The following ALX4 variants were observed in gnomAD, a reference collection of about 807,000 sequenced individuals.
ALX4 encodes homeobox protein aristaless-like 4.
ALX4 carries 22 observed loss-of-function variants against 40.6 expected under a neutral mutation model. The ratio of observed to expected loss-of-function variants is 0.54; its 90% CI spans 0.39 to 0.77. ALX4 has a LOEUF of 0.77. Ranked by LOEUF, ALX4 falls within the 30% of genes least tolerant of loss-of-function variation. The pLI, the probability that ALX4 is intolerant of heterozygous loss-of-function variation, is 0.00. For missense variants in ALX4, 556 were observed against 564.8 expected (o/e 0.98, Z 0.16); for synonymous variants, 266 against 240.5 (o/e 1.11, Z -0.98).
intron 2 of ALX4, among the ~76,000 whole-genome samples, chr11:44,270,238 T>C (rs935982458): frequency 6.6e-6 from 1 of 152,040 alleles, no homozygotes; most frequent in Non-Finnish European, 1.5e-5. Context: ...GGAAGACAGA[T>C]GACCAGGCGG....
intron 1 of ALX4, among the ~76,000 whole-genome samples, chr11:44,294,599 T>G (rs1000343980): frequency 1.3e-5 from 2 of 149,854 alleles, no homozygotes; most frequent in African/African-American, 4.9e-5. Flanking sequence ...CCCCCGCCCC[T>G]CCCATCACTC....
At chr11:44,309,219 C>CCCGCAGCCCCGCAGCCCCGCAGCT (rs1956489920) in intron 1 of ALX4, among the ~76,000 whole-genome samples, 1 of 151,554 alleles carries the variant, frequency 6.6e-6, no homozygotes, top group Admixed American at 6.6e-5. Context: ...GCCCCGCAGC[C>CCCGCAGCCCCGCAGCCCCGCAGCT]CCGCAGCCCA....
intron 1 of ALX4, among the ~76,000 whole-genome samples, chr11:44,307,503 T>G (rs1226645091): frequency 1.3e-5 from 2 of 152,174 alleles, no homozygotes; most frequent in Non-Finnish European, 2.9e-5. Context: ...AACCAAGAGG[T>G]GGGGAGCTCC....
At chr11:44,304,802 G>A (rs1023535045) in intron 1 of ALX4, among the ~76,000 whole-genome samples, 15 of 152,184 alleles carry the variant, frequency 9.9e-5, no homozygotes, top group Non-Finnish European at 1.8e-4. Context: ...AGAGTCCTCC[G>A]GGACTTCGCC....
intron 1 of ALX4, among the ~76,000 whole-genome samples, chr11:44,308,818 C>T (rs964580432): frequency 2.0e-5 from 3 of 152,234 alleles, no homozygotes; most frequent in Admixed American, 1.3e-4. Context: ...TCCTGTCTCC[C>T]TTCCTACTCT....
chr11:44,287,040 G>A (rs1956342441), intron 1 of ALX4, among the ~76,000 whole-genome samples: 1 of 152,154 alleles, frequency 6.6e-6, no homozygotes, highest in African/African-American at 2.4e-5. Context: ...CTGTCGTTTG[G>A]CCCAGCGGCT....
intron 3 of ALX4, among the ~76,000 whole-genome samples, chr11:44,266,216 G>T (rs1956213026): frequency 6.6e-6 from 1 of 152,098 alleles, no homozygotes; most frequent in African/African-American, 2.4e-5. Context: ...ACACTATGTG[G>T]TGCTGTAGGT....
chr11:44,283,247 C>CAA (rs35704210), intron 1 of ALX4, among the ~76,000 whole-genome samples: 23 of 100,186 alleles, frequency 2.3e-4, no homozygotes, highest in Admixed American at 1.3e-3. Flanking sequence ...AACTCCATCT[C>CAA]AAAAAAAAAA....
chr11:44,272,989 T>A (rs1454642816), intron 2 of ALX4, among the ~76,000 whole-genome samples: 1 of 152,160 alleles, frequency 6.6e-6, no homozygotes, highest in Non-Finnish European at 1.5e-5. Flanking sequence ...GTAGACTCTA[T>A]TAGAGATGCC....
intron 1 of ALX4, among the ~76,000 whole-genome samples, chr11:44,303,326 C>A (rs1267512604): frequency 1.3e-5 from 2 of 152,228 alleles, no homozygotes; most frequent in African/African-American, 2.4e-5. Flanking sequence ...CAATGTGCAG[C>A]GGCGCCAGTG....
chr11:44,280,856 G>A (rs752171108), intron 1 of ALX4, among the ~76,000 whole-genome samples: 53 of 152,342 alleles, frequency 3.5e-4, no homozygotes, highest in Non-Finnish European at 4.6e-4. Flanking sequence ...GGGAGCCACT[G>A]AGCCCTTCAA....
chr11:44,291,140 T>C (rs1956366554), intron 1 of ALX4, among the ~76,000 whole-genome samples: 1 of 152,202 alleles, frequency 6.6e-6, no homozygotes, highest in Non-Finnish European at 1.5e-5. Flanking sequence ...GAAGGGCCCA[T>C]TTCACATACA....
At chr11:44,276,995 T>C (rs112033332) in intron 1 of ALX4, among the ~76,000 whole-genome samples, 6 of 152,214 alleles carry the variant, frequency 3.9e-5, no homozygotes, top group African/African-American at 1.4e-4. Flanking sequence ...GTTTAGGTCA[T>C]GGACTCTTGA....
chr11:44,281,660 G>A (rs1956311136), intron 1 of ALX4, among the ~76,000 whole-genome samples: 1 of 152,030 alleles, frequency 6.6e-6, no homozygotes. Context: ...TAAACCCACT[G>A]CTGTCCAAAC....
intron 1 of ALX4, 107 bp downstream of exon 1, chr11:44,309,490 G>T: frequency 2.7e-6 from 4 of 1,498,488 alleles, no homozygotes; most frequent in Admixed American, 2.1e-5. Context: ...TCACCACCCC[G>T]CCCCCAGCCC....
rs543953928 is a variant in ALX4, at chr11:44,293,983, A to G, written c.466+15614T>C. 5.9e-5 allele frequency among the ~76,000 whole-genome samples: 9 copies of G among 152,202 alleles called. No homozygotes were observed. In the East Asian group the frequency reaches 1.5e-3, roughly 26 times the overall value. Reference sequence around the variant, plus strand: ...ATGGTGTAGCCCACGTACAACATGCAGTGTGCTGAAAACCCCTCCCAGTGC... The same window carrying G: ...ATGGTGTAGCCCACGTACAACATGCGGTGTGCTGAAAACCCCTCCCAGTGC... On this transcript the variant is annotated intron_variant, in intron 1 of 3. Transcript: ENST00000652299.
chr11:44,303,882 G>A (rs1956450324), intron 1 of ALX4, among the ~76,000 whole-genome samples: 1 of 152,212 alleles, frequency 6.6e-6, no homozygotes, highest in South Asian at 2.1e-4. Flanking sequence ...CCCCTCTACT[G>A]GGTGAGGAAG....
intron 1 of ALX4, among the ~76,000 whole-genome samples, chr11:44,301,671 G>A (rs1956435379): frequency 6.6e-6 from 1 of 152,154 alleles, no homozygotes; most frequent in Non-Finnish European, 1.5e-5. Context: ...CAAGAGAGCG[G>A]GTGAGTGGAT....
intron 1 of ALX4, among the ~76,000 whole-genome samples, chr11:44,308,234 T>C (rs59274618): frequency 0.082 from 12,502 of 152,298 alleles, 902 homozygotes; most frequent in African/African-American, 0.19. Context: ...TAGACAAGCA[T>C]ATGACTGTGA....
Sources: gnomAD v4.1 joint callset for allele counts (sites outside exome capture counted in the v4.1 genomes callset) on GRCh38, gnomAD v4.1.1 for gene constraint, MANE v1.5 for transcripts, NCBI Gene and HGNC (gene_info 2026-07-23, HGNC 2026-07-21) for gene names.